UBR2: variants seen among roughly 807,000 people sequenced by gnomAD.
UBR2 encodes the protein ubiquitin protein ligase E3 component n-recognin 2.
A neutral mutation model predicts 247.9 loss-of-function variants in UBR2; 92 were observed. The ratio of observed to expected loss-of-function variants is 0.37; its 90% confidence interval spans 0.31 to 0.44. UBR2 has a LOEUF of 0.44. Ranked by LOEUF, UBR2 falls within the 20% of genes least tolerant of loss-of-function variation. The pLI is 1.00. For synonymous variants in UBR2, 672 were observed against 693.5 expected, an observed-to-expected ratio of 0.97 and a Z score of 0.49; for missense variants, 1,613 against 2,112.6, an observed-to-expected ratio of 0.76 and a Z score of 4.64.
chr6:42,687,567 G>A lies in UBR2; in HGVS notation c.4854-649G>A, dbSNP rs113957363. On this transcript the variant is annotated intron_variant, in intron 44 of 46. Transcript: ENST00000372901. ...TTATTTATTTATTTATTGAGACAGG[G>A]TCTCACTCTGTTGCCCAGGCTGGAG... 2.9e-3 allele frequency among the ~76,000 whole-genome samples: 437 copies of A among 150,202 alleles called. 3 individuals carry two copies. The highest frequency in any genetic ancestry group is 0.01 in the African/African-American group (421 of 41,174).
chr6:42,623,199 T>G (rs1440827483), intron 11 of UBR2, among the ~76,000 whole-genome samples: 1 of 152,188 alleles, frequency 6.6e-6, no homozygotes, highest in Non-Finnish European at 1.5e-5. Context: ...CCGTAAAGTA[T>G]GATGTTTTGC....
chr6:42,579,977 A>T (rs557045916), intron 2 of UBR2, among the ~76,000 whole-genome samples: 10 of 152,134 alleles, frequency 6.6e-5, no homozygotes, highest in Non-Finnish European at 1.5e-4. Flanking sequence ...AACTGTTTTC[A>T]TAGTAAGGAC....
At chr6:42,583,316 C>T (rs1183151765) in intron 2 of UBR2, among the ~76,000 whole-genome samples, 3 of 152,126 alleles carry the variant, frequency 2.0e-5, no homozygotes, top group East Asian at 1.9e-4. Context: ...AGCGCAGTCT[C>T]GGCTCACTGC....
intron 11 of UBR2, chr6:42,620,481 G>GTGTTTTT (rs1794904525): frequency 1.5e-5 from 1 of 66,620 alleles, no homozygotes; most frequent in African/African-American, 3.7e-5. Flanking sequence ...ATTAAGTGTT[G>GTGTTTTT]TTTTTTTTTT....
At chr6:42,662,676 T>C (rs1210081909) in intron 31 of UBR2, among the ~76,000 whole-genome samples, 1 of 152,216 alleles carries the variant, frequency 6.6e-6, no homozygotes, top group Non-Finnish European at 1.5e-5. Flanking sequence ...TGGCTCCCTG[T>C]GATGAGATGT....
intron 2 of UBR2, among the ~76,000 whole-genome samples, chr6:42,588,142 C>G (rs1792413797): frequency 6.6e-6 from 1 of 152,216 alleles, no homozygotes; most frequent in South Asian, 2.1e-4. Context: ...TTCTGATTGA[C>G]TGGCTATATA....
At chr6:42,598,736 C>A (rs1383444270) in intron 4 of UBR2, among the ~76,000 whole-genome samples, 1 of 152,134 alleles carries the variant, frequency 6.6e-6, no homozygotes, top group Non-Finnish European at 1.5e-5. Flanking sequence ...AATCTCATAA[C>A]TGATTGTGTT....
At position 42,658,807 on chromosome 6, in the gene UBR2, T is replaced by C. The variant is rs1797595459; in HGVS notation, c.3225T>C (p.Ser1075=). The part of the protein sequence containing the change: ...QQTLELDAST[S]AVLDHSPVAS... Reference sequence around the variant, plus strand: ...CATTAGAACTGGATGCCTCAACCTCTGCTGTTCTTGATCATAGGTAAAAAA... The same window carrying C: ...CATTAGAACTGGATGCCTCAACCTCCGCTGTTCTTGATCATAGGTAAAAAA... Residue 1075 remains serine (S), a synonymous_variant, in exon 29 of 47, where the codon TCT becomes TCC. Transcript: ENST00000372901. The C allele has an allele frequency of 6.4e-7, 1 of 1,567,880 alleles. No individual in the cohort carries two copies. The highest frequency in any genetic ancestry group is 1.4e-5 in the African/African-American group (1 of 70,130).
intron 23 of UBR2, among the ~76,000 whole-genome samples, chr6:42,650,696 G>A (rs1797059583): frequency 6.6e-6 from 1 of 152,072 alleles, no homozygotes; most frequent in Non-Finnish European, 1.5e-5. Flanking sequence ...ATATAAAGAA[G>A]AAAGTAGAAA....
At chr6:42,609,755 C>T (rs944250969) in intron 7 of UBR2, among the ~76,000 whole-genome samples, 3 of 151,662 alleles carry the variant, frequency 2.0e-5, no homozygotes, top group African/African-American at 7.2e-5. Context: ...ATTAGCCAGG[C>T]GTGGTGGCAC....
intron 2 of UBR2, among the ~76,000 whole-genome samples, chr6:42,590,408 T>C (rs1792581169): frequency 6.6e-6 from 1 of 152,154 alleles, no homozygotes; most frequent in African/African-American, 2.4e-5. Context: ...TTTCTTTATA[T>C]GAAAGCAAAA....
chr6:42,645,340 C>A, intron 20 of UBR2, 126 bp from the exon 21 acceptor site: 1 of 887,722 alleles, frequency 1.1e-6, no homozygotes, highest in Non-Finnish European at 1.7e-6. Context: ...GCAGAACAGT[C>A]ATTACTTTCC....
chr6:42,619,783 TC>T (rs1029700404), intron 11 of UBR2: 3 of 215,896 alleles, frequency 1.4e-5, no homozygotes, highest in African/African-American at 7.1e-5. Flanking sequence ...GGTGGCACGA[TC>T]ACAGCTCACT....
intron 8 of UBR2, among the ~76,000 whole-genome samples, chr6:42,614,382 A>G (rs1393102611): frequency 1.4e-5 from 2 of 141,382 alleles, no homozygotes; most frequent in African/African-American, 5.3e-5. Flanking sequence ...GTGTGTATAT[A>G]TGTATGTACG....
At chr6:42,572,444 T>C (rs1015573289) in intron 1 of UBR2, among the ~76,000 whole-genome samples, 2 of 149,812 alleles carry the variant, frequency 1.3e-5, no homozygotes, top group Non-Finnish European at 3.0e-5. Context: ...ATGTTACATA[T>C]CACTTGAACA....
At chr6:42,663,173 C>A in intron 31 of UBR2, 85 bp from the exon 32 acceptor site, 1 of 1,165,268 alleles carries the variant, frequency 8.6e-7, no homozygotes. Context: ...TTTGTGGAAA[C>A]AAATTATTTT....
Position 42,678,541 on chromosome 6 carries a change from C to G in UBR2, c.4481C>G (p.Ala1494Gly). Residue 1494 changes from alanine (A) to glycine (G), a missense_variant and splice_region_variant, in exon 41 of 47, where the codon GCC becomes GGC. Around this residue, in one of 3 missense-constraint regions of UBR2, gnomAD observed 1,524 missense variants for 1,967.3 expected, o/e 0.77. Coordinates refer to ENST00000372901, the MANE Select transcript of UBR2 (RefSeq NM_001363705.2). ...ATAATCTTTTTTTTCTTTTTTAGTG[C>G]CTTGAAAGAAATACCATCCGGCTGG... ...YKTLHQYTGS[A>G]LKEIPSGWHL... 3.7e-6 allele frequency: 6 copies of G among 1,603,548 alleles called. No individual in the cohort carries two copies. The South Asian group carries it at 6.8e-5, about 18-fold the overall frequency.
chr6:42,632,949 C>CTT, intron 13 of UBR2, 45 bp downstream of exon 13: 1 of 906,898 alleles, frequency 1.1e-6, no homozygotes, highest in South Asian at 3.0e-5. Flanking sequence ...TTTTTTTTTT[C>CTT]TCTTTTCTCT....
chr6:42,593,288 C>A (rs1365520769), intron 3 of UBR2, among the ~76,000 whole-genome samples: 1 of 152,168 alleles, frequency 6.6e-6, no homozygotes, highest in Non-Finnish European at 1.5e-5. Context: ...TTAAGCTGTT[C>A]TGCCTGTGTT....
Sources: allele counts gnomAD v4.1 joint callset (sites outside exome capture counted in the v4.1 genomes callset), GRCh38; gene constraint gnomAD v4.1.1; regional missense constraint gnomAD v4.1.1; transcripts MANE v1.5; gene names NCBI Gene and HGNC (gene_info 2026-07-23, HGNC 2026-07-21).